Variants in NFIC observed in about 807,000 individuals in gnomAD.
NFIC encodes the protein nuclear factor 1 C-type.
In NFIC, 12 loss-of-function variants were observed where a neutral mutation model predicts 54.4. The observed-to-expected ratio is 0.22, with a 90% CI of 0.14 to 0.36. The LOEUF is 0.36. Ranked by LOEUF, NFIC falls within the 10% of genes least tolerant of loss-of-function variation. The pLI, the probability that NFIC is intolerant of heterozygous loss-of-function variation, is 1.00. For synonymous variants in NFIC, 322 were observed against 319.2 expected (o/e 1.01, Z -0.09); for missense variants, 575 against 718.2 (o/e 0.80, Z 2.28).
At chr19:3,364,410 G>A, upstream of NFIC, among the ~76,000 whole-genome samples, 1 of 152,214 alleles carries the variant, frequency 6.6e-6, no homozygotes, top group Admixed American at 6.5e-5. Context: ...GCTGCTGACT[G>A]GAGGAGACAT....
At position 3,469,212 on chromosome 19, in the gene NFIC, A is replaced by G. The variant is rs2039728350; in HGVS notation, c.*6443A>G. 6.6e-6 allele frequency: 1 copy of G among 152,292 alleles called. No individual in the cohort carries two copies. The highest frequency in any genetic ancestry group is 2.4e-5 in the African/African-American group (1 of 41,544). 9.4% of individuals were successfully genotyped at this position (152,292 alleles called of 1,614,324 possible). On this transcript the variant is annotated 3_prime_UTR_variant, in exon 11 of 11. Transcript: ENST00000443272. ...TAAAAATTAAACAAGCTATGCTTCGACTCTTTCTGGCTGTCCCGGGTCCTC... is the reference window on the plus strand; with the variant it reads ...TAAAAATTAAACAAGCTATGCTTCGGCTCTTTCTGGCTGTCCCGGGTCCTC...
intron 2 of NFIC, among the ~76,000 whole-genome samples, chr19:3,388,804 G>A (rs1488224804): frequency 6.6e-6 from 1 of 151,444 alleles, no homozygotes; most frequent in Non-Finnish European, 1.5e-5. Flanking sequence ...CTCCAGCCTG[G>A]GTGACAAGGC....
At chr19:3,427,683 C>T (rs1481133433) in intron 3 of NFIC, among the ~76,000 whole-genome samples, 3 of 150,470 alleles carry the variant, frequency 2.0e-5, no homozygotes, top group Non-Finnish European at 4.4e-5. Context: ...AAAAATTAGT[C>T]GGGCATGTTG....
intron 9 of NFIC, 178 bp downstream of exon 9, chr19:3,454,094 A>G (rs1321805170): frequency 4.4e-6 from 6 of 1,362,488 alleles, no homozygotes; most frequent in East Asian, 6.2e-5. Context: ...GGGCTGAGGC[A>G]GCCTTAGGGG....
intron 9 of NFIC, among the ~76,000 whole-genome samples, chr19:3,455,871 G>T (rs574963410): frequency 5.7e-4 from 87 of 152,098 alleles, no homozygotes; most frequent in Non-Finnish European, 1.1e-3. Context: ...CTGCACCGGG[G>T]CTCTTAACTG....
chr19:3,418,414 A>G (rs1418711268), intron 2 of NFIC, among the ~76,000 whole-genome samples: 1 of 152,162 alleles, frequency 6.6e-6, no homozygotes, highest in African/African-American at 2.4e-5. Flanking sequence ...ATTTCAGCGT[A>G]GCTAACTTAA....
At chr19:3,378,428 C>T (rs1027907555) in intron 1 of NFIC, among the ~76,000 whole-genome samples, 2 of 152,194 alleles carry the variant, frequency 1.3e-5, no homozygotes, top group Admixed American at 6.5e-5. Flanking sequence ...CTCAGTTTCC[C>T]TTGCTGGAAA....
chr19:3,408,788 G>C (rs1200448447), intron 2 of NFIC, among the ~76,000 whole-genome samples: 2 of 152,140 alleles, frequency 1.3e-5, no homozygotes, highest in Non-Finnish European at 2.9e-5. Flanking sequence ...TTTTAGTAGA[G>C]ACAAGGTTTC....
chr19:3,382,389 C>T (rs925849477), intron 2 of NFIC, 146 bp downstream of exon 2: 61 of 1,159,578 alleles, frequency 5.3e-5, no homozygotes, highest in Non-Finnish European at 7.1e-5. Context: ...TGGAGAGTGC[C>T]CAATGGGGGC....
In NFIC at chr19:3,464,208, TCA is replaced by T. The variant is rs2082684471; in HGVS notation, c.*1441_*1442del. On this transcript the variant is annotated 3_prime_UTR_variant, in exon 11 of 11. Coordinates refer to ENST00000443272, the MANE Select transcript of NFIC (RefSeq NM_001245002.2). ...GCGGGGCCCAGCTGCGGGACGTGCATCACGGCTGGGCCCCCAGAGGAGAGAGG... is the reference window on the plus strand; with the variant it reads ...GCGGGGCCCAGCTGCGGGACGTGCATCGGCTGGGCCCCCAGAGGAGAGAGG... 1 of 984,400 alleles carries T rather than the reference TCA, an allele frequency of 1.0e-6. No individual in the cohort carries two copies. The highest frequency in any genetic ancestry group is 1.2e-6 in the Non-Finnish European group (1 of 829,888). 61.0% of individuals were successfully genotyped at this position (984,400 alleles called of 1,614,324 possible).
At chr19:3,376,566 AT>A (rs1599568091) in intron 1 of NFIC, among the ~76,000 whole-genome samples, 2 of 151,894 alleles carry the variant, frequency 1.3e-5, no homozygotes, top group East Asian at 3.9e-4. Flanking sequence ...GTGAGACTCC[AT>A]CTCTGCAAAA....
Position 3,442,967 on chromosome 19 carries a change from G to A in NFIC, c.959-6047G>A, listed in dbSNP as rs370525977. Among the ~76,000 whole-genome samples the A allele has an allele frequency of 1.0e-3, 153 of 152,344 alleles. 3 individuals are homozygous for A. Among genetic ancestry groups the A allele is most frequent in the African/African-American group, 3.5e-3 (146 of 41,578 alleles). Reference sequence around the variant, plus strand: ...TGCCCCACCCCCAGGGACACTGGCCGGTGTCTAGGGACATCTGTGGTTGTC... The same window carrying A: ...TGCCCCACCCCCAGGGACACTGGCCAGTGTCTAGGGACATCTGTGGTTGTC... On this transcript the variant is annotated intron_variant, in intron 6 of 10. Coordinates refer to ENST00000443272, the MANE Select transcript of NFIC (RefSeq NM_001245002.2).
rs1054888438 is a variant in NFIC, at chr19:3,458,693, G to A, written c.1509+2058G>A. Among the ~76,000 whole-genome samples the A allele has an allele frequency of 5.3e-5, 8 of 152,110 alleles. No individual in the cohort carries two copies. The highest frequency in any genetic ancestry group is 1.2e-4 in the Non-Finnish European group (8 of 68,020). On this transcript the variant is annotated intron_variant, in intron 10 of 10. Transcript: ENST00000443272. This position sits in a 1 kb window ranked among gnomAD's most constrained non-coding sequence, Gnocchi z 4.1. ...GGTGTGGGTCGGGGGAGGGGGAGCT[G>A]GCTGGAATGTGAGAGATCTCCGGTG...
chr19:3,449,038 C>A lies in NFIC; in HGVS notation c.983C>A (p.Thr328Lys). ...EGGISSPVKK[T>K]EMDKSPFNSP... ...GGCATCTCGTCCCCGGTGAAGAAGA[C>A]AGAGATGGACAAGTCACCATTCAAC... The change falls in exon 7 of 11, where the codon ACA becomes AAA. Residue 328 changes from threonine (T) to lysine (K), a missense_variant. Physicochemically the swap from Thr to Lys is moderately conservative, Grantham distance 78. Around this residue, in one of 3 missense-constraint regions of NFIC, gnomAD observed 447 missense variants for 526.9 expected, o/e 0.85. Transcript: ENST00000443272. 6.2e-7 allele frequency: 1 copy of A among 1,613,328 alleles called. No individual in the cohort carries two copies. Among genetic ancestry groups the A allele is most frequent in the Non-Finnish European group, 8.5e-7 (1 of 1,179,690 alleles).
Position 3,453,936 on chromosome 19 carries a change from T to A in NFIC, c.1423+20T>A. 1 of 1,510,714 alleles carries A rather than the reference T, an allele frequency of 6.6e-7. No homozygotes were observed. Among genetic ancestry groups the A allele is most frequent in the Admixed American group, 2.3e-5 (1 of 42,990 alleles). 93.6% of individuals were successfully genotyped at this position (1,510,714 alleles called of 1,614,324 possible). On this transcript the variant is annotated intron_variant, in intron 9 of 10. Coordinates refer to ENST00000443272, the MANE Select transcript of NFIC (RefSeq NM_001245002.2). This position sits in a 1 kb window ranked among gnomAD's most constrained non-coding sequence, Gnocchi z 6.7. ...CGCCTTGTAAGCACGCGGGAAGCGG[T>A]GCCCTGGTGGGGCGGATGTCCGCAG...
At chr19:3,426,569 G>A (rs981592559) in intron 3 of NFIC, among the ~76,000 whole-genome samples, 1 of 152,040 alleles carries the variant, frequency 6.6e-6, no homozygotes, top group African/African-American at 2.4e-5. Context: ...GTCAGGGCCC[G>A]TCCCTCCTCT....
At chr19:3,437,416 G>A (rs1369791882) in intron 6 of NFIC, among the ~76,000 whole-genome samples, 2 of 151,688 alleles carry the variant, frequency 1.3e-5, no homozygotes, top group African/African-American at 4.8e-5. Context: ...GACGCATCTA[G>A]TTGTGACATT....
At chr19:3,462,643 G>C (rs965615913) in intron 10 of NFIC, 109 bp from the exon 11 acceptor site, 1 of 1,252,706 alleles carries the variant, frequency 8.0e-7, no homozygotes, top group African/African-American at 1.5e-5. Context: ...GTTGCAGGAG[G>C]TGGGGGGTGA....
intron 2 of NFIC, among the ~76,000 whole-genome samples, chr19:3,399,797 G>A (rs2081525184): frequency 6.6e-6 from 1 of 151,992 alleles, no homozygotes; most frequent in Admixed American, 6.6e-5. Context: ...CTTGAACCTG[G>A]GAGGCGGAGA....
Sources: gnomAD v4.1 joint callset for allele counts (sites outside exome capture counted in the v4.1 genomes callset) on GRCh38, gnomAD v4.1.1 for gene constraint, gnomAD v4.1.1 regional missense constraint, Gnocchi (gnomAD v3.1) non-coding constraint, MANE v1.5 for transcripts, NCBI Gene and HGNC (gene_info 2026-07-23, HGNC 2026-07-21) for gene names.